LOC400499: variants seen among roughly 807,000 people sequenced by gnomAD.
At chr16:11,447,300 A>C in the LOC400499 span, among the ~76,000 whole-genome samples, 1 of 152,100 alleles carries the variant, frequency 6.6e-6, no homozygotes, top group African/African-American at 2.4e-5. Flanking sequence ...TGTAAAACGG[A>C]GGCTAAAATA....
chr16:11,385,079 G>T, the LOC400499 span: 12 of 1,232,234 alleles, frequency 9.7e-6, no homozygotes, highest in Non-Finnish European at 1.2e-5. Context: ...TGGGCCAGAG[G>T]GGGCTGGGCA....
At chr16:11,384,380 G>A in the LOC400499 span, 2 of 1,016,428 alleles carry the variant, frequency 2.0e-6, no homozygotes, top group African/African-American at 1.7e-5. Flanking sequence ...TCCTCCCCCA[G>A]CCCCAGCCCT....
At chr16:11,405,559 C>A in the LOC400499 span, among the ~76,000 whole-genome samples, 1 of 152,246 alleles carries the variant, frequency 6.6e-6, no homozygotes, top group African/African-American at 2.4e-5. Flanking sequence ...CGGAGAGGGA[C>A]GCCGTCCCTG....
the LOC400499 span, among the ~76,000 whole-genome samples, chr16:11,438,105 G>A: frequency 6.6e-6 from 1 of 152,028 alleles, no homozygotes; most frequent in East Asian, 1.9e-4. Context: ...GGTGCTCCAT[G>A]CCCCCCCACA....
the LOC400499 span, among the ~76,000 whole-genome samples, chr16:11,379,115 C>T: frequency 2.0e-5 from 3 of 152,080 alleles, no homozygotes; most frequent in South Asian, 2.1e-4. Context: ...AATAGCTGGT[C>T]GTGGTGGCAT....
the LOC400499 span, among the ~76,000 whole-genome samples, chr16:11,508,518 G>C: frequency 1.3e-5 from 2 of 152,258 alleles, no homozygotes; most frequent in Non-Finnish European, 2.9e-5. Flanking sequence ...TGGGGCACTG[G>C]CCTGGCACAC....
the LOC400499 span, among the ~76,000 whole-genome samples, chr16:11,433,652 G>C: frequency 1.3e-5 from 2 of 152,206 alleles, no homozygotes; most frequent in African/African-American, 2.4e-5. Context: ...GCCATGATTA[G>C]AGGTTGGAAC....
the LOC400499 span, among the ~76,000 whole-genome samples, chr16:11,505,441 TTTTC>T: frequency 1.7e-3 from 225 of 132,878 alleles, 6 homozygotes; most frequent in Middle Eastern, 0.011. Context: ...TTAATTTTTC[TTTTC>T]TTTTTTTTTT....
chr16:11,388,242 T>C, the LOC400499 span, among the ~76,000 whole-genome samples: 1 of 152,088 alleles, frequency 6.6e-6, no homozygotes, highest in Non-Finnish European at 1.5e-5. Flanking sequence ...ACTCACCAGG[T>C]AGGTGAGTAA....
the LOC400499 span, chr16:11,450,788 C>A: frequency 6.5e-7 from 1 of 1,535,888 alleles, no homozygotes; most frequent in South Asian, 1.2e-5. Flanking sequence ...GCTGCAGAGA[C>A]CATCAGCCAT....
the LOC400499 span, among the ~76,000 whole-genome samples, chr16:11,518,191 T>C: frequency 1.3e-5 from 2 of 152,186 alleles, no homozygotes; most frequent in Admixed American, 6.5e-5. Flanking sequence ...TCAGTGAGGA[T>C]CTATCTGTCC....
the LOC400499 span, chr16:11,459,768 C>A: frequency 2.8e-5 from 28 of 987,266 alleles, no homozygotes. Flanking sequence ...AAGGGAAAGT[C>A]ACCAAGGCTA....
At chr16:11,492,744 C>T in the LOC400499 span, among the ~76,000 whole-genome samples, 36,502 of 150,764 alleles carry the variant, frequency 0.24, 4,649 homozygotes, top group African/African-American at 0.32. Context: ...GAGATGGTGA[C>T]ACCGCACTCC....
the LOC400499 span, chr16:11,471,617 A>G: frequency 1.3e-4 from 52 of 398,884 alleles, no homozygotes; most frequent in Non-Finnish European, 2.1e-4. Context: ...GATCCACAAC[A>G]TGGCTGAGAA....
the LOC400499 span, among the ~76,000 whole-genome samples, chr16:11,437,923 C>T: frequency 6.6e-6 from 1 of 152,178 alleles, no homozygotes; most frequent in Non-Finnish European, 1.5e-5. Context: ...AGCATCCAAG[C>T]TTCCAGGGCA....
At chr16:11,464,082 A>T in the LOC400499 span, among the ~76,000 whole-genome samples, 2 of 152,218 alleles carry the variant, frequency 1.3e-5, no homozygotes, top group African/African-American at 4.8e-5. Context: ...ATGTGTGTAT[A>T]TACGAATGTA....
At chr16:11,510,115 G>A in the LOC400499 span, among the ~76,000 whole-genome samples, 1 of 151,650 alleles carries the variant, frequency 6.6e-6, no homozygotes, top group African/African-American at 2.4e-5. Flanking sequence ...CACAGCCATG[G>A]TGTTAAACTT....
the LOC400499 span, among the ~76,000 whole-genome samples, chr16:11,378,127 G>C: frequency 6.6e-6 from 1 of 152,080 alleles, no homozygotes; most frequent in Admixed American, 6.6e-5. Flanking sequence ...TTTTCTTTGA[G>C]AGACTTGCCA....
chr16:11,476,289 A>G, the LOC400499 span, among the ~76,000 whole-genome samples: 3 of 152,024 alleles, frequency 2.0e-5, no homozygotes, highest in African/African-American at 7.2e-5. Flanking sequence ...ACTCCCTCTA[A>G]AATTGCCCCT....
Sources: gnomAD v4.1 joint callset for allele counts (sites outside exome capture counted in the v4.1 genomes callset) on GRCh38, gnomAD v4.1.1 for gene constraint, MANE v1.5 for transcripts.